The following CACNA1E variants were observed in gnomAD, a reference collection of about 807,000 sequenced individuals.
CACNA1E encodes calcium voltage-gated channel subunit alpha1 E, also known as voltage-dependent R-type calcium channel subunit alpha-1E.
A neutral mutation model predicts 259.2 loss-of-function variants in CACNA1E; 40 were observed. The ratio of observed to expected loss-of-function variants is 0.15; its 90% CI spans 0.12 to 0.20. The LOEUF (loss-of-function observed/expected upper bound fraction) is 0.20. CACNA1E is among the 10% of genes least tolerant of loss of function. The pLI, the probability that CACNA1E is intolerant of heterozygous loss-of-function variation, is 1.00. For missense variants in CACNA1E, 1,874 were observed against 3,040.1 expected (o/e 0.62, Z 9.02); for synonymous variants, 1,104 against 1,138.5 (o/e 0.97, Z 0.61).
chr1:181,596,599 C>CGTGTGTGTGT (rs1653200613), intron 6 of CACNA1E, among the ~76,000 whole-genome samples: 1 of 78,208 alleles, frequency 1.3e-5, no homozygotes, highest in East Asian at 6.5e-4. Context: ...TGTGTGTGTA[C>CGTGTGTGTGT]ACACACATAT....
chr1:181,507,314 G>A (rs180683876), intron 1 of CACNA1E, among the ~76,000 whole-genome samples: 5 of 152,318 alleles, frequency 3.3e-5, no homozygotes, highest in East Asian at 1.9e-4. Context: ...GAGCCATTCC[G>A]CTGCCTGGAG....
chr1:181,782,531 A>T (rs1432875202), intron 39 of CACNA1E, among the ~76,000 whole-genome samples: 1 of 152,254 alleles, frequency 6.6e-6, no homozygotes, highest in East Asian at 1.9e-4. Flanking sequence ...TCCAAACAAG[A>T]AACTGGCTTT....
intron 6 of CACNA1E, among the ~76,000 whole-genome samples, chr1:181,622,091 T>C (rs548159750): frequency 6.6e-6 from 1 of 152,288 alleles, no homozygotes; most frequent in East Asian, 1.9e-4. Context: ...CTGGATGAGT[T>C]AGGTCAACAG....
intron 7 of CACNA1E, among the ~76,000 whole-genome samples, chr1:181,675,858 T>C (rs941134533): frequency 2.0e-5 from 3 of 152,134 alleles, no homozygotes; most frequent in African/African-American, 7.2e-5. Context: ...TAAGGGATTT[T>C]GACAAAAAAG....
intron 2 of CACNA1E, among the ~76,000 whole-genome samples, chr1:181,452,773 C>T (rs1409140671): frequency 4.6e-5 from 7 of 152,242 alleles, no homozygotes; most frequent in Non-Finnish European, 1.0e-4. Context: ...TTCTTCTTTT[C>T]TAACCCTAAC....
chr1:181,368,370 C>T lies in CACNA1E; in HGVS notation c.-14-44763C>T, dbSNP rs543480052. Among the ~76,000 whole-genome samples the T allele has an allele frequency of 5.8e-4, 88 of 151,322 alleles. 2 individuals carry two copies. The highest frequency in any genetic ancestry group is 1.9e-3 in the African/African-American group (80 of 41,196). The stretch of plus-strand genomic sequence containing the variant: ...CAGGGTGACAAATGAAAACTATTTT[C>T]GCAGAGAACCTATGTACAAATCTTA... On this transcript the variant is annotated intron_variant, in intron 1 of 11. Transcript: ENST00000524607.
chr1:181,648,216 T>G (rs1381908568), intron 6 of CACNA1E, among the ~76,000 whole-genome samples: 3 of 152,218 alleles, frequency 2.0e-5, no homozygotes, highest in African/African-American at 7.2e-5. Context: ...TTGTGGACGT[T>G]TTTTGATTAG....
intron 35 of CACNA1E, among the ~76,000 whole-genome samples, chr1:181,767,150 T>G (rs142974933): frequency 1.2e-3 from 179 of 152,342 alleles, no homozygotes; most frequent in East Asian, 0.011. Flanking sequence ...ATGGAGTTCC[T>G]GGCAGCCCGT....
At chr1:181,557,635 G>T (rs1648874848) in intron 3 of CACNA1E, among the ~76,000 whole-genome samples, 1 of 152,170 alleles carries the variant, frequency 6.6e-6, no homozygotes, top group East Asian at 1.9e-4. Context: ...AACTTGCTTT[G>T]CTCCCTTGGC....
intron 6 of CACNA1E, among the ~76,000 whole-genome samples, chr1:181,599,107 C>G (rs111232728): frequency 1.1e-4 from 16 of 151,968 alleles, no homozygotes; most frequent in East Asian, 1.9e-4. Context: ...GCCTCTCCCC[C>G]CTCCCCACTC....
chr1:181,351,910 C>T (rs192561288), intron 1 of CACNA1E, among the ~76,000 whole-genome samples: 5 of 152,108 alleles, frequency 3.3e-5, no homozygotes, highest in Non-Finnish European at 5.9e-5. Context: ...GACTGGAATG[C>T]GAGCATAGTT....
At chr1:181,394,903 A>G (rs114639198) in intron 1 of CACNA1E, among the ~76,000 whole-genome samples, 1,781 of 152,258 alleles carry the variant, frequency 0.012, 26 homozygotes, top group African/African-American at 0.04. Context: ...TCTGGGAAGT[A>G]ACAGGAAGCC....
At position 181,719,579 on chromosome 1, in the gene CACNA1E, A is replaced by G. The variant is rs10158454; in HGVS notation, c.1639-172A>G. ...GAAGGGGATTGGAGAGCAATGGGAG[A>G]GAGGTGGCAGCTTCCCACATAGGTA... is the stretch of plus-strand genomic sequence containing the variant. On this transcript the variant is annotated intron_variant, in intron 12 of 47. Transcript: ENST00000367573. Among the ~76,000 whole-genome samples, 1,406 of 152,264 alleles carry G rather than the reference A, an allele frequency of 9.2e-3. 21 individuals carry two copies. The highest frequency in any genetic ancestry group is 0.032 in the African/African-American group (1,318 of 41,548).
chr1:181,689,157 G>T (rs1043440153), intron 7 of CACNA1E, among the ~76,000 whole-genome samples: 1 of 151,982 alleles, frequency 6.6e-6, no homozygotes. Context: ...ACAGGCCCCG[G>T]TGTGTGATGT....
At chr1:181,462,600 C>G (rs924443782) in intron 2 of CACNA1E, among the ~76,000 whole-genome samples, 2 of 152,192 alleles carry the variant, frequency 1.3e-5, no homozygotes, top group Non-Finnish European at 2.9e-5. Flanking sequence ...GTTACAGATG[C>G]ATTTTGTATG....
intron 6 of CACNA1E, among the ~76,000 whole-genome samples, chr1:181,625,493 C>T (rs1177407259): frequency 1.3e-5 from 2 of 152,162 alleles, no homozygotes; most frequent in African/African-American, 2.4e-5. Context: ...TGCTACTTCA[C>T]CTTGCACTTT....
At chr1:181,506,357 T>A (rs1665709557) in intron 1 of CACNA1E, among the ~76,000 whole-genome samples, 1 of 151,928 alleles carries the variant, frequency 6.6e-6, no homozygotes, top group Admixed American at 6.6e-5. Flanking sequence ...GAAATGGGAG[T>A]GGTGCCTCGG....
chr1:181,399,212 G>C (rs1422867234), intron 1 of CACNA1E, among the ~76,000 whole-genome samples: 2 of 145,426 alleles, frequency 1.4e-5, no homozygotes, highest in African/African-American at 5.2e-5. Flanking sequence ...AGAAAGTTTA[G>C]AGAGTTTTTT....
At chr1:181,604,075 T>C (rs1654001108) in intron 6 of CACNA1E, among the ~76,000 whole-genome samples, 1 of 152,150 alleles carries the variant, frequency 6.6e-6, no homozygotes. Flanking sequence ...GAGAGGCCAG[T>C]CTTCTTGTGT....
Sources: gnomAD v4.1 joint callset for allele counts (sites outside exome capture counted in the v4.1 genomes callset) on GRCh38, gnomAD v4.1.1 for gene constraint, MANE v1.5 for transcripts, NCBI Gene and HGNC (gene_info 2026-07-23, HGNC 2026-07-21) for gene names.